The following RALGAPA2 variants were observed in gnomAD, a reference collection of about 807,000 sequenced individuals.
RALGAPA2 encodes Ral GTPase activating protein catalytic subunit alpha 2, also known as ral GTPase-activating protein subunit alpha-2.
Under a neutral mutation model 230.4 loss-of-function variants are expected in RALGAPA2, and 139 were observed. The observed-to-expected ratio is 0.60, with a 90% CI of 0.53 to 0.69. The LOEUF (loss-of-function observed/expected upper bound fraction) is 0.69. Among genes scored for constraint, RALGAPA2 ranks in the 30% least tolerant of loss-of-function variants. RALGAPA2 has a pLI of 0.00. For synonymous variants in RALGAPA2, 847 were observed against 837.8 expected, an observed-to-expected ratio of 1.01 and a Z score of -0.19; for missense variants, 2,163 against 2,276.0, an observed-to-expected ratio of 0.95 and a Z score of 1.01.
At chr20:20,479,144 AAAAAACATTC>A (rs1406626946) in intron 36 of RALGAPA2, among the ~76,000 whole-genome samples, 1 of 152,232 alleles carries the variant, frequency 6.6e-6, no homozygotes, top group African/African-American at 2.4e-5. Context: ...TCATAGTAGA[AAAAAACATTC>A]TAACAAGGAA....
chr20:20,517,957 C>T (rs929618199), intron 31 of RALGAPA2, among the ~76,000 whole-genome samples: 1 of 152,106 alleles, frequency 6.6e-6, no homozygotes, highest in Non-Finnish European at 1.5e-5. Context: ...AGCAATGGAT[C>T]CAAACCAAGA....
intron 37 of RALGAPA2, among the ~76,000 whole-genome samples, chr20:20,460,087 C>T (rs1011326684): frequency 1.3e-5 from 2 of 152,198 alleles, no homozygotes; most frequent in South Asian, 2.1e-4. Context: ...AACACAGAAG[C>T]ATGGCCACCC....
intron 27 of RALGAPA2, among the ~76,000 whole-genome samples, chr20:20,528,267 AAC>A (rs1227207074): frequency 1.3e-5 from 2 of 152,334 alleles, no homozygotes; most frequent in Admixed American, 1.3e-4. Flanking sequence ...ATAGAACACC[AAC>A]AGAGTGCCAT....
intron 2 of RALGAPA2, among the ~76,000 whole-genome samples, chr20:20,676,963 C>T (rs79779016): frequency 0.028 from 4,198 of 152,214 alleles, 86 homozygotes; most frequent in Non-Finnish European, 0.042. Flanking sequence ...ATGGCTTGTC[C>T]AATAAAACGT....
intron 23 of RALGAPA2, among the ~76,000 whole-genome samples, chr20:20,566,409 G>A (rs894319922): frequency 2.6e-5 from 4 of 152,142 alleles, no homozygotes; most frequent in African/African-American, 9.7e-5. Context: ...ACAGCACAGG[G>A]AGTGGTTATT....
chr20:20,677,631 T>TC (rs2068379511), intron 2 of RALGAPA2, among the ~76,000 whole-genome samples: 1 of 93,484 alleles, frequency 1.1e-5, no homozygotes, highest in South Asian at 3.9e-4. Flanking sequence ...TTTGACCCAT[T>TC]TTTTTTTTTT....
intron 31 of RALGAPA2, among the ~76,000 whole-genome samples, chr20:20,516,639 C>G (rs6082027): frequency 0.029 from 4,435 of 152,320 alleles, 87 homozygotes; most frequent in South Asian, 0.06. Flanking sequence ...CTACATCACT[C>G]CCCTGCCACC....
At chr20:20,511,543 T>C (rs565942820) in intron 32 of RALGAPA2, among the ~76,000 whole-genome samples, 1 of 152,336 alleles carries the variant, frequency 6.6e-6, no homozygotes, top group South Asian at 2.1e-4. Context: ...GTGACACAGA[T>C]GGCTCTTTGG....
chr20:20,711,421 G>T (rs763732978), intron 1 of RALGAPA2, among the ~76,000 whole-genome samples: 15 of 152,224 alleles, frequency 9.9e-5, no homozygotes, highest in Non-Finnish European at 2.1e-4. Flanking sequence ...AGGTAAGTGT[G>T]TCTATAGATA....
At chr20:20,593,788 G>A (rs1332228004) in intron 16 of RALGAPA2, among the ~76,000 whole-genome samples, 5 of 152,188 alleles carry the variant, frequency 3.3e-5, no homozygotes, top group Non-Finnish European at 7.3e-5. Context: ...TAAAGATAAA[G>A]AACATCGCCA....
chr20:20,600,956 C>T (rs925140522), intron 16 of RALGAPA2, among the ~76,000 whole-genome samples: 19 of 152,168 alleles, frequency 1.2e-4, no homozygotes, highest in Admixed American at 3.9e-4. Context: ...AAAAATTAGC[C>T]GGGCGTCGTG....
intron 15 of RALGAPA2, 99 bp from the exon 16 acceptor site, chr20:20,601,945 A>C: frequency 9.3e-7 from 1 of 1,071,264 alleles, no homozygotes; most frequent in Non-Finnish European, 1.2e-6. Flanking sequence ...ACTATATATA[A>C]TCAGCAGGTT....
intron 35 of RALGAPA2, among the ~76,000 whole-genome samples, chr20:20,501,844 A>C (rs1454937148): frequency 6.6e-6 from 1 of 152,156 alleles, no homozygotes; most frequent in Non-Finnish European, 1.5e-5. Context: ...TAATTGGCCT[A>C]ATTTCACTAC....
intron 36 of RALGAPA2, among the ~76,000 whole-genome samples, chr20:20,489,683 C>T (rs1261860292): frequency 6.6e-6 from 1 of 152,158 alleles, no homozygotes; most frequent in African/African-American, 2.4e-5. Flanking sequence ...AGCGCTCTTT[C>T]CTTTTCACAG....
chr20:20,705,686 T>C (rs71336721), intron 1 of RALGAPA2, among the ~76,000 whole-genome samples: 1 of 152,150 alleles, frequency 6.6e-6, no homozygotes, highest in Admixed American at 6.6e-5. Context: ...TTTTGTTTTG[T>C]TTTTGAGAGT....
rs77313181 is a variant in RALGAPA2 at position 20,541,897 on chromosome 20, T to C, written c.3285+4807A>G. Among the ~76,000 whole-genome samples, 1,451 of 152,232 alleles carry C rather than the reference T, an allele frequency of 9.5e-3. 18 individuals are homozygous for C. The highest frequency in any genetic ancestry group is 0.033 in the African/African-American group (1,384 of 41,532). On this transcript the variant is annotated intron_variant, in intron 24 of 39. Coordinates refer to ENST00000202677, the MANE Select transcript of RALGAPA2 (RefSeq NM_020343.4). ...AAACTCTCTTGGTAAATAATGAACA[T>C]AGTATTGGAAGTTCTGGCCAGGGCA...
At chr20:20,515,806 G>C (rs977597654) in intron 31 of RALGAPA2, among the ~76,000 whole-genome samples, 3 of 150,536 alleles carry the variant, frequency 2.0e-5, no homozygotes, top group African/African-American at 7.3e-5. Context: ...ATATAATCTC[G>C]AGCAGGGATA....
chr20:20,494,430 C>A (rs1056910526), intron 36 of RALGAPA2, among the ~76,000 whole-genome samples: 7 of 152,182 alleles, frequency 4.6e-5, no homozygotes, highest in African/African-American at 1.7e-4. Context: ...AAAAACAAGT[C>A]GCTACATAAA....
chr20:20,647,876 C>T (rs577636129), intron 4 of RALGAPA2, among the ~76,000 whole-genome samples: 16 of 152,168 alleles, frequency 1.1e-4, no homozygotes, highest in South Asian at 4.2e-4. Context: ...TTGAAGAGAA[C>T]GTGGAGTAAC....
Sources: gnomAD v4.1 joint callset for allele counts (sites outside exome capture counted in the v4.1 genomes callset) on GRCh38, gnomAD v4.1.1 for gene constraint, MANE v1.5 for transcripts, NCBI Gene and HGNC (gene_info 2026-07-23, HGNC 2026-07-21) for gene names.